ADGRL2: variants seen among roughly 807,000 people sequenced by gnomAD.
The protein encoded by ADGRL2 is adhesion G protein-coupled receptor L2.
In ADGRL2, 44 loss-of-function variants were observed where a neutral mutation model predicts 157.4. The ratio of observed to expected loss-of-function variants is 0.28; its 90% CI spans 0.22 to 0.36. ADGRL2 has a LOEUF of 0.36. ADGRL2 is among the 10% of genes least tolerant of loss of function. The pLI is 1.00. For missense variants in ADGRL2, 1,510 were observed against 1,768.9 expected, an observed-to-expected ratio of 0.85 and a Z score of 2.63; for synonymous variants, 585 against 624.7, an observed-to-expected ratio of 0.94 and a Z score of 0.95.
At chr1:81,552,398 T>C (rs773223166) in intron 2 of ADGRL2, among the ~76,000 whole-genome samples, 1 of 152,042 alleles carries the variant, frequency 6.6e-6, no homozygotes, top group African/African-American at 2.4e-5. Flanking sequence ...TCTTTCTTGC[T>C]CTATAAAGGT....
At chr1:81,919,959 A>C (rs964825827) in intron 3 of ADGRL2, among the ~76,000 whole-genome samples, 3 of 152,184 alleles carry the variant, frequency 2.0e-5, no homozygotes, top group Non-Finnish European at 4.4e-5. Flanking sequence ...TGTAACCAAG[A>C]TTATTTTTTA....
At chr1:81,739,629 A>C (rs960335684) in intron 1 of ADGRL2, among the ~76,000 whole-genome samples, 4 of 152,218 alleles carry the variant, frequency 2.6e-5, no homozygotes, top group Admixed American at 2.6e-4. Flanking sequence ...TTAAATATTA[A>C]ATAATTAAAA....
intron 3 of ADGRL2, among the ~76,000 whole-genome samples, chr1:81,639,069 A>ATTG (rs754621292): frequency 5.3e-5 from 8 of 152,180 alleles, no homozygotes; most frequent in East Asian, 1.9e-4. Context: ...TACTTCTTTT[A>ATTG]TTGTTGTTGT....
intron 1 of ADGRL2, among the ~76,000 whole-genome samples, chr1:81,709,895 C>A (rs1460682359): frequency 6.6e-6 from 1 of 152,052 alleles, no homozygotes; most frequent in South Asian, 2.1e-4. Context: ...GAAGTAAAGT[C>A]AATTGTTTGG....
Position 81,943,478 on chromosome 1 carries a change from G to C in ADGRL2, c.919G>C (p.Glu307Gln). 6.2e-7 allele frequency: 1 copy of C among 1,613,762 alleles called. No individual in the cohort carries two copies. The part of the protein sequence containing the change: ...PYTLRFEATW[E>Q]TVYDKRAASN... ...CACTCTTCGATTTGAAGCAACGTGG[G>C]AGACTGTATACGACAAACGTGCCGC... The change falls in exon 6 of 24, where the codon GAG becomes CAG. Residue 307 changes from glutamate to glutamine, a missense_variant. Physicochemically the swap from Glu to Gln is conservative, Grantham distance 29. Transcript: ENST00000686636. The surrounding 1 kb of genome is among the most constrained non-coding windows in gnomAD (Gnocchi z 5.6).
At chr1:81,694,511 C>G (rs1162361567) in intron 3 of ADGRL2, among the ~76,000 whole-genome samples, 1 of 151,740 alleles carries the variant, frequency 6.6e-6, no homozygotes, top group Admixed American at 6.6e-5. Flanking sequence ...CACTGTTTTT[C>G]TTTGAAACAG....
At chr1:81,503,130 G>T in intron 2 of ADGRL2, 1 of 1,613,824 alleles carries the variant, frequency 6.2e-7, no homozygotes, top group Non-Finnish European at 8.5e-7. Context: ...AGCAGCGCCT[G>T]GTGCAGCAGG....
intron 2 of ADGRL2, among the ~76,000 whole-genome samples, chr1:81,866,823 C>A (rs1159036659): frequency 6.6e-6 from 1 of 152,222 alleles, no homozygotes; most frequent in Non-Finnish European, 1.5e-5. Context: ...GTATATCTTA[C>A]CCCAAAGAAA....
chr1:81,557,482 G>GAAAGAAGAAAGAAAGAAAGAAAGA (rs370696204), intron 2 of ADGRL2: 14 of 119,960 alleles, frequency 1.2e-4, no homozygotes, highest in Admixed American at 6.5e-4. Flanking sequence ...AAGAAAGAAA[G>GAAAGAAGAAAGAAAGAAAGAAAGA]AAGAAAGAAA....
At chr1:81,447,688 A>G (rs1371507236) in intron 2 of ADGRL2, among the ~76,000 whole-genome samples, 1 of 152,204 alleles carries the variant, frequency 6.6e-6, no homozygotes, top group Non-Finnish European at 1.5e-5. Flanking sequence ...AAAACTTCCA[A>G]GCAACAAAAA....
chr1:81,430,888 A>G (rs907421482), intron 1 of ADGRL2, among the ~76,000 whole-genome samples: 5 of 152,144 alleles, frequency 3.3e-5, no homozygotes, highest in Non-Finnish European at 7.3e-5. Flanking sequence ...TTTGTTTACT[A>G]ATTTTGGTAC....
intron 11 of ADGRL2, among the ~76,000 whole-genome samples, chr1:81,958,463 C>A (rs1473494050): frequency 3.3e-5 from 5 of 152,104 alleles, no homozygotes; most frequent in African/African-American, 1.2e-4. Flanking sequence ...CCCTTGAGGA[C>A]ATGGCTATAA....
intron 1 of ADGRL2, among the ~76,000 whole-genome samples, chr1:81,321,510 G>A (rs1660495343): frequency 6.6e-6 from 1 of 152,110 alleles, no homozygotes; most frequent in Non-Finnish European, 1.5e-5. Context: ...AGAGGCCATT[G>A]TATGGTTATT....
chr1:81,458,282 A>C (rs2077847591), intron 2 of ADGRL2, among the ~76,000 whole-genome samples: 1 of 152,220 alleles, frequency 6.6e-6, no homozygotes. Flanking sequence ...TCAAGTGTAC[A>C]ATAACATGTT....
chr1:81,970,725 C>T (rs541890214), intron 16 of ADGRL2, among the ~76,000 whole-genome samples, 191 bp downstream of exon 16: 208 of 152,206 alleles, frequency 1.4e-3, no homozygotes, highest in Non-Finnish European at 2.4e-3. Flanking sequence ...TGTACTCTGG[C>T]AAGGCAGATT....
At chr1:81,710,411 G>T (rs1362577067) in intron 1 of ADGRL2, among the ~76,000 whole-genome samples, 1 of 151,964 alleles carries the variant, frequency 6.6e-6, no homozygotes. Flanking sequence ...TTGAGGCCAG[G>T]AGTTCGAGAC....
At chr1:81,553,245 A>G (rs146211333) in intron 2 of ADGRL2, among the ~76,000 whole-genome samples, 3 of 152,328 alleles carry the variant, frequency 2.0e-5, no homozygotes, top group Non-Finnish European at 2.9e-5. Context: ...TTATATCTGC[A>G]TATAATAAAG....
intron 2 of ADGRL2, among the ~76,000 whole-genome samples, chr1:81,879,553 G>A (rs1264871911): frequency 6.7e-6 from 1 of 149,024 alleles, no homozygotes; most frequent in Non-Finnish European, 1.5e-5. Context: ...ATTTGCCTAA[G>A]TGAGCCAGGT....
chr1:81,911,789 G>A (rs889693474), intron 3 of ADGRL2, among the ~76,000 whole-genome samples: 2 of 152,082 alleles, frequency 1.3e-5, no homozygotes, highest in African/African-American at 4.8e-5. Context: ...AATACATACC[G>A]TGTGAGGAAG....
Sources: gnomAD v4.1 joint callset for allele counts (sites outside exome capture counted in the v4.1 genomes callset) on GRCh38, gnomAD v4.1.1 for gene constraint, Gnocchi (gnomAD v3.1) non-coding constraint, MANE v1.5 for transcripts, NCBI Gene and HGNC (gene_info 2026-07-23, HGNC 2026-07-21) for gene names.